The following TRIM2 variants were observed in gnomAD, a reference collection of about 807,000 sequenced individuals.
TRIM2 encodes the protein tripartite motif containing 2.
In TRIM2, 20 loss-of-function variants were observed where a neutral mutation model predicts 75.2. The ratio of observed to expected loss-of-function variants is 0.27; its 90% CI spans 0.19 to 0.39. TRIM2 has a LOEUF of 0.39. Among genes scored for constraint, TRIM2 ranks in the 10% least tolerant of loss-of-function variants. The pLI is 1.00. For missense variants in TRIM2, 660 were observed against 990.8 expected (o/e 0.67, Z 4.48); for synonymous variants, 373 against 388.3 (o/e 0.96, Z 0.46).
intron 2 of TRIM2, among the ~76,000 whole-genome samples, chr4:153,272,145 T>A (rs1281273787): frequency 6.6e-6 from 1 of 151,474 alleles, no homozygotes; most frequent in Non-Finnish European, 1.5e-5. Flanking sequence ...TCCTCTTCTT[T>A]TTTTATTTTA....
chr4:153,335,767 G>C lies in TRIM2; in HGVS notation c.*801G>C. ...CCGTTAACTCCAGATCATTGCACTG[G>C]AATGTAATCAAGAAAGTTAGTCATG... is the stretch of plus-strand genomic sequence containing the variant. On this transcript the variant is annotated 3_prime_UTR_variant, in exon 12 of 12. Transcript: ENST00000338700. The C allele has an allele frequency of 1.0e-6, 1 of 985,820 alleles. No individual in the cohort carries two copies. Among genetic ancestry groups the C allele is most frequent in the East Asian group, 1.1e-4 (1 of 8,816 alleles). The allele number at this position is 985,820 out of a possible 1,614,324, so 61.1% of individuals were successfully genotyped here.
intron 1 of TRIM2, among the ~76,000 whole-genome samples, chr4:153,183,651 G>A (rs534021716): frequency 6.6e-6 from 1 of 152,276 alleles, no homozygotes; most frequent in South Asian, 2.1e-4. Context: ...ACTCATATGA[G>A]AGGACGGGCT....
At chr4:153,262,105 T>C (rs1753725712) in intron 1 of TRIM2, among the ~76,000 whole-genome samples, 1 of 152,234 alleles carries the variant, frequency 6.6e-6, no homozygotes, top group Non-Finnish European at 1.5e-5. Flanking sequence ...CTTTTTATTT[T>C]CATGCATATG....
intron 1 of TRIM2, among the ~76,000 whole-genome samples, chr4:153,229,001 G>A (rs1579824280): frequency 6.6e-6 from 1 of 152,278 alleles, no homozygotes; most frequent in Admixed American, 6.5e-5. Context: ...AAAGATCTGG[G>A]AGCCTGGAAA....
At position 153,184,620 on chromosome 4, in the gene TRIM2, C is replaced by T. The variant is rs573175297; in HGVS notation, c.-49+31350C>T. On this transcript the variant is annotated intron_variant, in intron 1 of 11. Coordinates refer to the TRIM2 transcript ENST00000437508. ...CCCCAGTCCAGTCTCCCCAGTGTGG[C>T]CTGGCTTTTCATACCAGATATGAGA... Among the ~76,000 whole-genome samples, 3 of 152,274 alleles carry T rather than the reference C, an allele frequency of 2.0e-5. No individual in the cohort carries two copies. In the East Asian group the frequency reaches 5.8e-4, roughly 29 times the overall value.
intron 1 of TRIM2, among the ~76,000 whole-genome samples, chr4:153,186,002 C>T (rs981515905): frequency 1.3e-5 from 2 of 152,244 alleles, no homozygotes; most frequent in Non-Finnish European, 1.5e-5. Flanking sequence ...GTGATTTTGC[C>T]CCCAAGGGAA....
At chr4:153,244,357 C>G (rs1221518851) in intron 1 of TRIM2, among the ~76,000 whole-genome samples, 1 of 21,228 alleles carries the variant, frequency 4.7e-5, no homozygotes, top group South Asian at 2.6e-3. Flanking sequence ...TCTTCTTCCT[C>G]TTCTTCTTCT....
chr4:153,185,186 T>C (rs1234778603), intron 1 of TRIM2, among the ~76,000 whole-genome samples: 1 of 152,230 alleles, frequency 6.6e-6, no homozygotes, highest in East Asian at 1.9e-4. Flanking sequence ...AATGAATGAA[T>C]GAGTTGTTTT....
intron 11 of TRIM2, 82 bp from the exon 12 acceptor site, chr4:153,334,732 T>C: frequency 7.9e-7 from 1 of 1,263,058 alleles, no homozygotes; most frequent in Non-Finnish European, 1.1e-6. Context: ...AGAAAAACAT[T>C]AGCATCAAGA....
chr4:153,210,967 A>G (rs1448844910), intron 1 of TRIM2, among the ~76,000 whole-genome samples: 2 of 152,122 alleles, frequency 1.3e-5, no homozygotes, highest in African/African-American at 2.4e-5. Context: ...GCAGGGCACC[A>G]TTGTCTGAGC....
intron 6 of TRIM2, chr4:153,307,906 C>A: frequency 1.3e-6 from 1 of 751,332 alleles, no homozygotes. Flanking sequence ...CTGATCAGGA[C>A]CTTATCTTGA....
intron 1 of TRIM2, among the ~76,000 whole-genome samples, chr4:153,213,796 G>T (rs971518839): frequency 3.2e-4 from 49 of 152,174 alleles, no homozygotes; most frequent in Admixed American, 2.7e-3. Context: ...AAAGTGCTGG[G>T]ATTACAGGTG....
chr4:153,320,951 C>T (rs1270239832), intron 8 of TRIM2, among the ~76,000 whole-genome samples: 1 of 152,166 alleles, frequency 6.6e-6, no homozygotes, highest in Non-Finnish European at 1.5e-5. Flanking sequence ...TTCATAAAAA[C>T]ACATAGATCT....
intron 1 of TRIM2, among the ~76,000 whole-genome samples, chr4:153,164,488 T>C (rs1174361889): frequency 1.3e-5 from 2 of 152,242 alleles, no homozygotes; most frequent in African/African-American, 4.8e-5. Flanking sequence ...CTTTCTGCTA[T>C]TTCTGTTACA....
intron 1 of TRIM2, among the ~76,000 whole-genome samples, chr4:153,174,910 G>A (rs1731253103): frequency 6.6e-6 from 1 of 152,192 alleles, no homozygotes; most frequent in African/African-American, 2.4e-5. Flanking sequence ...ACAAGTAACC[G>A]TTTAATGGCT....
At chr4:153,282,672 C>A (rs1759607017) in intron 3 of TRIM2, among the ~76,000 whole-genome samples, 1 of 151,980 alleles carries the variant, frequency 6.6e-6, no homozygotes, top group Non-Finnish European at 1.5e-5. Flanking sequence ...GTCTCAAATT[C>A]CTGGGCTTAA....
chr4:153,210,124 G>C (rs1684534671), intron 1 of TRIM2, among the ~76,000 whole-genome samples: 1 of 148,070 alleles, frequency 6.8e-6, no homozygotes, highest in Admixed American at 6.7e-5. Context: ...GAGAGCAGTG[G>C]CGAGATCTCG....
chr4:153,221,827 TGAAG>T (rs1331741460), intron 1 of TRIM2, among the ~76,000 whole-genome samples: 3 of 40,404 alleles, frequency 7.4e-5, no homozygotes, highest in Admixed American at 6.3e-4. Context: ...AGGGAGGAAA[TGAAG>T]GAAGGAAGGA....
chr4:153,208,929 A>G (rs1261998589), intron 1 of TRIM2, among the ~76,000 whole-genome samples: 2 of 152,208 alleles, frequency 1.3e-5, no homozygotes, highest in Non-Finnish European at 2.9e-5. Flanking sequence ...GTGGGTGGGT[A>G]CTGAGAACCA....
Sources: allele counts gnomAD v4.1 joint callset (sites outside exome capture counted in the v4.1 genomes callset), GRCh38; gene constraint gnomAD v4.1.1; transcripts MANE v1.5; gene names NCBI Gene and HGNC (gene_info 2026-07-23, HGNC 2026-07-21).